Variants in TDRD6 observed in about 807,000 individuals in gnomAD.
TDRD6 encodes tudor domain containing 6.
Under a neutral mutation model 157.5 loss-of-function variants are expected in TDRD6, and 186 were observed. That is an observed-to-expected ratio of 1.18 (90% CI 1.05 to 1.33). The LOEUF (loss-of-function observed/expected upper bound fraction) is 1.33. Ranked by LOEUF, TDRD6 falls within the 40% of genes most tolerant of loss-of-function variation. The probability of loss-of-function intolerance (pLI) is 0.00; values close to 1 mark genes in which losing one functional copy is unlikely to be tolerated. For missense variants in TDRD6, 3,066 were observed against 2,508.0 expected (o/e 1.22, Z -4.75); for synonymous variants, 1,075 against 945.2 (o/e 1.14, Z -2.52).
At chr6:46,696,596 TA>T in intron 2 of TDRD6, among the ~76,000 whole-genome samples, 6 of 44,482 alleles carry the variant, frequency 1.3e-4, no homozygotes, top group African/African-American at 3.5e-4. Flanking sequence ...TATATATATA[TA>T]TATATTTTTT....
At chr6:46,700,433 T>C (rs922761913) in intron 3 of TDRD6, among the ~76,000 whole-genome samples, 5 of 152,180 alleles carry the variant, frequency 3.3e-5, no homozygotes, top group Admixed American at 1.3e-4. Context: ...TGTTGTATTA[T>C]GCATGACTTT....
intron 2 of TDRD6, among the ~76,000 whole-genome samples, chr6:46,696,883 T>A (rs1211513796): frequency 6.6e-6 from 1 of 151,816 alleles, no homozygotes; most frequent in Non-Finnish European, 1.5e-5. Context: ...AGTGCTGGGA[T>A]TACAGGCATG....
the TDRD6 span, among the ~76,000 whole-genome samples, chr6:46,682,027 T>G: frequency 2.1e-3 from 327 of 152,260 alleles, 1 homozygote; most frequent in African/African-American, 7.5e-3. Flanking sequence ...AGCTCTACAC[T>G]TTAAAATGGT....
At chr6:46,685,707 T>C (rs1764074348), upstream of TDRD6, among the ~76,000 whole-genome samples, 1 of 152,010 alleles carries the variant, frequency 6.6e-6, no homozygotes, top group African/African-American at 2.4e-5. Context: ...ATGGCATGTG[T>C]ATACCTATGT....
At chr6:46,680,502 C>T in the TDRD6 span, among the ~76,000 whole-genome samples, 327 of 152,216 alleles carry the variant, frequency 2.1e-3, 1 homozygote, top group African/African-American at 7.5e-3. Flanking sequence ...AAAAATTATT[C>T]AGACCTTAAA....
Position 46,694,094 on chromosome 6 carries a change from C to T in TDRD6, c.5966C>T (p.Ser1989Leu), listed in dbSNP as rs150855637. The change falls in exon 1 of 4, where the codon TCG becomes TTG. Residue 1989 changes from serine to leucine, a missense_variant. Ser to Leu is a moderately radical substitution (Grantham distance 145). Transcript: ENST00000316081. ...GAGTATAAAAACAGGGATGCCATTT[C>T]GGCATTGATGCCTTTGTTCTCTGAG... ...FVEYKNRDAI[S>L]ALMPLFSEEE... The T allele has an allele frequency of 1.4e-4, 228 of 1,609,912 alleles. No individual in the cohort carries two copies. Among genetic ancestry groups the T allele is most frequent in the Non-Finnish European group, 1.9e-4 (218 of 1,178,206 alleles).
chr6:46,688,368 G>A lies in TDRD6; in HGVS notation c.240G>A (p.Leu80=), dbSNP rs766146579. 5.9e-6 allele frequency: 9 copies of A among 1,533,966 alleles called. No individual in the cohort carries two copies. Among genetic ancestry groups the A allele is most frequent in the African/African-American group, 1.4e-5 (1 of 72,666 alleles). ...GELCLVQVGL[L]WHRCRVVSRQ... ...TGTGCCTGGTGCAGGTCGGGCTTTT[G>A]TGGCACCGCTGCCGCGTGGTCAGCC... Residue 80 remains leucine (L), a synonymous_variant, in exon 1 of 4, where the codon TTG becomes TTA. Transcript: ENST00000316081.
At chr6:46,686,578 A>T (rs1764100867), upstream of TDRD6, among the ~76,000 whole-genome samples, 1 of 152,208 alleles carries the variant, frequency 6.6e-6, no homozygotes, top group Non-Finnish European at 1.5e-5. Flanking sequence ...TTTTAAATAA[A>T]ATGTTTTTCT....
At position 46,695,822 on chromosome 6, in the gene TDRD6, T is replaced by C. The variant is rs374873105; in HGVS notation, c.6048T>C (p.Ala2016=). The C allele has an allele frequency of 6.2e-7, 1 of 1,612,256 alleles. No individual in the cohort carries two copies. The highest frequency in any genetic ancestry group is 1.3e-5 in the African/African-American group (1 of 74,838). Residue 2016 remains alanine, a splice_region_variant and synonymous_variant, in exon 2 of 4, where the codon GCT becomes GCC. Transcript: ENST00000316081. The part of the protein sequence containing the change: ...HNNGLPDHIS[A]QLQNTYTLKA... The stretch of plus-strand genomic sequence containing the variant: ...GTCTTACTCAATTCAATTTGGCAGC[T>C]CAACTACAGAACACCTACACTCTGA...
At position 46,692,883 on chromosome 6, in the gene TDRD6, T is replaced by G. The variant is rs1356866718; in HGVS notation, c.4755T>G (p.Tyr1585Ter). Reference sequence around the variant, plus strand: ...GATACAGAGAAGATGGACATTATTATAGGGCACTTATCACTAATATTTGTG... The same window carrying G: ...GATACAGAGAAGATGGACATTATTAGAGGGCACTTATCACTAATATTTGTG... ...IVRYREDGHY[Y>*]RALITNICED... The change falls in exon 1 of 4, where the codon TAT becomes TAG. Residue 1585 changes from tyrosine to a stop codon, truncating the protein, a stop_gained. Transcript: ENST00000316081. LOFTEE classifies it high-confidence loss of function. 1 of 1,614,160 alleles carries G rather than the reference T, an allele frequency of 6.2e-7. No homozygotes were observed. Among genetic ancestry groups the G allele is most frequent in the Non-Finnish European group, 8.5e-7 (1 of 1,180,012 alleles).
Position 46,689,164 on chromosome 6 carries a change from G to A in TDRD6, c.1036G>A (p.Val346Met), listed in dbSNP as rs762713357. The change falls in exon 1 of 4, where the codon GTG becomes ATG. Residue 346 changes from valine (V) to methionine (M), a missense_variant. Transcript: ENST00000316081. ...CCAGCGCTGTGCCCAGGTGCTTCAT[G>A]TGGACTATGGAAGGAAGGAGTTAGT... ...RPQRCAQVLHVDYGRKELVSC... is the reference protein window; with the variant it reads ...RPQRCAQVLHMDYGRKELVSC... 6.2e-7 allele frequency: 1 copy of A among 1,614,214 alleles called. No individual in the cohort carries two copies. The highest frequency in any genetic ancestry group is 8.5e-7 in the Non-Finnish European group (1 of 1,180,040).
At chr6:46,698,708 ATTT>A in intron 3 of TDRD6, among the ~76,000 whole-genome samples, 1 of 151,854 alleles carries the variant, frequency 6.6e-6, no homozygotes, top group Non-Finnish European at 1.5e-5. Flanking sequence ...GTAGCTGTTG[ATTT>A]TCTTTTCCCT....
Position 46,693,924 on chromosome 6 carries a change from G to A in TDRD6, c.5796G>A (p.Gln1932=). 2 of 1,614,124 alleles carry A rather than the reference G, an allele frequency of 1.2e-6. No homozygotes were observed. The highest frequency in any genetic ancestry group is 1.1e-5 in the South Asian group (1 of 91,076). The change falls in exon 1 of 4, where the codon CAG becomes CAA. Residue 1932 remains glutamine, a synonymous_variant. Coordinates refer to ENST00000316081, the MANE Select transcript of TDRD6 (RefSeq NM_001010870.3). Reference sequence around the variant, plus strand: ...CTTTAGGAGTTAGTCAGAAAGCACAGGAATCCATGTGTACTGAGGACATGA... The same window carrying A: ...CTTTAGGAGTTAGTCAGAAAGCACAAGAATCCATGTGTACTGAGGACATGA... ...PLSLGVSQKA[Q]ESMCTEDMRK...
Position 46,691,532 on chromosome 6 carries a change from G to C in TDRD6, c.3404G>C (p.Gly1135Ala). The C allele has an allele frequency of 6.2e-7, 1 of 1,613,872 alleles. No homozygotes were observed. The highest frequency in any genetic ancestry group is 8.5e-7 in the Non-Finnish European group (1 of 1,179,884). ...TTAGTTGTAGCAAAAGATCCAGATG[G>C]AACACTGATTATAGAACTATATGGT... is the stretch of plus-strand genomic sequence containing the variant. The part of the protein sequence containing the change: ...KALVVAKDPD[G>A]TLIIELYGDN... The change falls in exon 1 of 4, where the codon GGA (glycine) becomes GCA (alanine). Residue 1135 changes from glycine (G) to alanine (A), a missense_variant. Transcript: ENST00000316081.
chr6:46,698,627 G>T (rs1764552469), intron 3 of TDRD6, among the ~76,000 whole-genome samples: 1 of 152,170 alleles, frequency 6.6e-6, no homozygotes, highest in South Asian at 2.1e-4. Flanking sequence ...TTTGGGGTTG[G>T]TTGGACTTCT....
At position 46,701,936 on chromosome 6, in the gene TDRD6, A is replaced by C; in HGVS notation, c.*49A>C. The C allele has an allele frequency of 6.2e-7, 1 of 1,600,560 alleles. No individual in the cohort carries two copies. ...ATCAGTCAGAAGCTGCCCTTGAACAAGTGGCATCTTACGCAGACCAACAGA... is the reference window on the plus strand; with the variant it reads ...ATCAGTCAGAAGCTGCCCTTGAACACGTGGCATCTTACGCAGACCAACAGA... On this transcript the variant is annotated 3_prime_UTR_variant, in exon 4 of 4. Transcript: ENST00000316081.
Position 46,692,882 on chromosome 6 carries a change from A to C in TDRD6, c.4754A>C (p.Tyr1585Ser). Reference protein sequence around the residue: ...IVRYREDGHYYRALITNICED... With the variant: ...IVRYREDGHYSRALITNICED... ...AGATACAGAGAAGATGGACATTATT[A>C]TAGGGCACTTATCACTAATATTTGT... The change falls in exon 1 of 4, where the codon TAT (tyrosine) becomes TCT (serine). Residue 1585 changes from tyrosine (Y) to serine (S), a missense_variant. By Grantham distance (144) the Tyr-to-Ser change is moderately radical. Transcript: ENST00000316081. The C allele has an allele frequency of 1.2e-6, 2 of 1,614,142 alleles. No homozygotes were observed. Among genetic ancestry groups the C allele is most frequent in the Non-Finnish European group, 1.7e-6 (2 of 1,179,998 alleles).
chr6:46,700,137 C>T (rs1209495912), intron 3 of TDRD6, among the ~76,000 whole-genome samples: 1 of 152,142 alleles, frequency 6.6e-6, no homozygotes, highest in African/African-American at 2.4e-5. Flanking sequence ...CAAATGCATA[C>T]ATATGTACAT....
rs766911026 is a variant in TDRD6 at position 46,688,117 on chromosome 6, C to G, written c.-12C>G. 4.0e-6 allele frequency: 6 copies of G among 1,493,570 alleles called. No homozygotes were observed. The highest frequency in any genetic ancestry group is 3.8e-5 in the South Asian group (3 of 78,958). 92.5% of individuals were successfully genotyped at this position (1,493,570 alleles called of 1,614,324 possible). A position where few individuals can be genotyped will look rare whatever the true frequency, so the allele number is the denominator to read the frequency against. ...TAATTTCCGGAAGTGGGGGCCGCGC[C>G]GCGCCGTCAAGATGTGCTCGACGCC... On this transcript the variant is annotated 5_prime_UTR_variant, in exon 1 of 4. Coordinates refer to ENST00000316081, the MANE Select transcript of TDRD6 (RefSeq NM_001010870.3).
Sources: allele counts gnomAD v4.1 joint callset (sites outside exome capture counted in the v4.1 genomes callset), GRCh38; gene constraint gnomAD v4.1.1; transcripts MANE v1.5; gene names NCBI Gene and HGNC (gene_info 2026-07-23, HGNC 2026-07-21).